Variants in PPP4R3B observed in about 807,000 individuals in gnomAD.
PPP4R3B encodes protein phosphatase 4 regulatory subunit 3B.
A neutral mutation model predicts 95.4 loss-of-function variants in PPP4R3B; 52 were observed. The observed-to-expected ratio is 0.54, with a 90% CI of 0.44 to 0.69. The LOEUF (loss-of-function observed/expected upper bound fraction) is 0.69. Among genes scored for constraint, PPP4R3B ranks in the 30% least tolerant of loss-of-function variants. PPP4R3B has a pLI of 0.00. For synonymous variants in PPP4R3B, 407 were observed against 343.9 expected, an observed-to-expected ratio of 1.18 and a Z score of -2.03; for missense variants, 1,003 against 1,005.9, an observed-to-expected ratio of 1.00 and a Z score of 0.04.
chr2:55,594,823 A>C (rs1049914601), intron 4 of PPP4R3B, among the ~76,000 whole-genome samples: 2 of 152,152 alleles, frequency 1.3e-5, no homozygotes, highest in Admixed American at 1.3e-4. Flanking sequence ...ATGTACATCT[A>C]ACCTCCCCCA....
intron 5 of PPP4R3B, among the ~76,000 whole-genome samples, chr2:55,586,993 CA>C: frequency 6.6e-6 from 1 of 152,186 alleles, no homozygotes; most frequent in Non-Finnish European, 1.5e-5. Context: ...CTGAAAGACA[CA>C]TCATAAGCTG....
chr2:55,605,788 C>A (rs1175932538), intron 2 of PPP4R3B, among the ~76,000 whole-genome samples: 1 of 151,918 alleles, frequency 6.6e-6, no homozygotes, highest in Non-Finnish European at 1.5e-5. Flanking sequence ...TGCCTATAGT[C>A]CCAGCTACTC....
At chr2:55,551,584 C>T (rs530808061) in intron 16 of PPP4R3B, among the ~76,000 whole-genome samples, 144 of 152,100 alleles carry the variant, frequency 9.5e-4, no homozygotes, top group African/African-American at 3.3e-3. Context: ...AACCCCATCT[C>T]TACTAAAAAT....
intron 12 of PPP4R3B, 97 bp from the exon 13 acceptor site, chr2:55,568,460 T>A (rs980608665): frequency 9.4e-6 from 9 of 960,304 alleles, no homozygotes; most frequent in Non-Finnish European, 1.3e-5. Context: ...TATGCTCTTC[T>A]AAAATGAAAA....
intron 12 of PPP4R3B, among the ~76,000 whole-genome samples, chr2:55,572,414 C>G (rs1192016975): frequency 6.6e-6 from 1 of 152,036 alleles, no homozygotes. Flanking sequence ...ATACAAAAAG[C>G]TCTAAGAAAA....
chr2:55,603,858 T>C, intron 3 of PPP4R3B, 120 bp downstream of exon 3: 3 of 560,158 alleles, frequency 5.4e-6, no homozygotes, highest in Non-Finnish European at 3.0e-6. Context: ...TCAAGTTAGA[T>C]TATCAAGTCT....
chr2:55,556,633 AAAAAAAAAAAAAG>A, intron 16 of PPP4R3B, among the ~76,000 whole-genome samples: 1 of 107,680 alleles, frequency 9.3e-6, no homozygotes, highest in African/African-American at 6.3e-5. Flanking sequence ...ACTTTGATTT[AAAAAAAAAAAAAG>A]AAAAAAAAGA....
rs184152594 is a variant in PPP4R3B, at chr2:55,593,310, C to T, written c.922-4354G>A. On this transcript the variant is annotated intron_variant, in intron 4 of 16. Coordinates refer to ENST00000616407, the MANE Select transcript of PPP4R3B (RefSeq NM_001122964.3). ...TTAAGATATTGTCAACATGTATTAG[C>T]ACACATACTAGGAGCCACTGACTAT... Among the ~76,000 whole-genome samples, 262 of 152,292 alleles carry T rather than the reference C, an allele frequency of 1.7e-3. 1 individual carries two copies. The highest frequency in any genetic ancestry group is 5.9e-3 in the African/African-American group (247 of 41,562).
chr2:55,592,615 G>C (rs1251956751), intron 4 of PPP4R3B, among the ~76,000 whole-genome samples: 2 of 152,042 alleles, frequency 1.3e-5, no homozygotes, highest in Admixed American at 1.3e-4. Context: ...CAAAACCTTA[G>C]CATCTGCAAA....
Position 55,598,549 on chromosome 2 carries a change from AT to A in PPP4R3B, c.787del (p.Ile263TyrfsTer40), listed in dbSNP as rs1198364136. 6.2e-7 allele frequency: 1 copy of A among 1,614,080 alleles called. No homozygotes were observed. The highest frequency in any genetic ancestry group is 8.5e-7 in the Non-Finnish European group (1 of 1,180,008). Reference sequence around the variant, plus strand: ...GTACTGTACCCTGTAAGTCTGATGTATTTTTTGCCTTAGTTCAGAGTCTGTT... The same window carrying A: ...GTACTGTACCCTGTAAGTCTGATGTATTTTTGCCTTAGTTCAGAGTCTGTT... ...PITDSELRQK[I>X]HQTYRVQYIQ... On this transcript the variant is annotated frameshift_variant, in exon 4 of 17. Coordinates refer to ENST00000616407, the MANE Select transcript of PPP4R3B (RefSeq NM_001122964.3). LOFTEE classifies it high-confidence loss of function.
intron 4 of PPP4R3B, among the ~76,000 whole-genome samples, chr2:55,594,938 T>G (rs1270858296): frequency 6.6e-6 from 1 of 151,870 alleles, no homozygotes; most frequent in Non-Finnish European, 1.5e-5. Flanking sequence ...AGGTGACTAC[T>G]GGTGGGAAAC....
rs1390249185 is a variant in PPP4R3B, at chr2:55,547,674, CAG to C, written c.*2235_*2236del. 6.6e-6 allele frequency: 1 copy of C among 152,132 alleles called. No homozygotes were observed. The highest frequency in any genetic ancestry group is 1.5e-5 in the Non-Finnish European group (1 of 68,028). 9.4% of individuals were successfully genotyped at this position (152,132 alleles called of 1,614,324 possible). A position where few individuals can be genotyped will look rare whatever the true frequency, so the allele number is the denominator to read the frequency against. On this transcript the variant is annotated 3_prime_UTR_variant, in exon 17 of 17. Coordinates refer to ENST00000616407, the MANE Select transcript of PPP4R3B (RefSeq NM_001122964.3). ...AGAAAAAGGAAGTCTTCATAAGATA[CAG>C]AGATAGGGAGGCTGAGGCGGGTGGA...
intron 16 of PPP4R3B, among the ~76,000 whole-genome samples, chr2:55,550,283 C>T (rs1287739515): frequency 2.6e-5 from 4 of 152,108 alleles, no homozygotes; most frequent in Non-Finnish European, 4.4e-5. Flanking sequence ...AAAATGTCTA[C>T]TTTTCCAAAC....
intron 4 of PPP4R3B, chr2:55,591,506 T>C (rs1462249700): frequency 3.1e-6 from 3 of 981,356 alleles, no homozygotes; most frequent in South Asian, 4.7e-5. Context: ...CATATTTACC[T>C]CCATTCACAC....
intron 2 of PPP4R3B, among the ~76,000 whole-genome samples, chr2:55,607,734 T>C (rs1693617547): frequency 6.6e-6 from 1 of 152,142 alleles, no homozygotes; most frequent in Non-Finnish European, 1.5e-5. Context: ...CCCTCTCCCC[T>C]TCTGGAGGAT....
chr2:55,587,895 T>C (rs1690381682), intron 5 of PPP4R3B, among the ~76,000 whole-genome samples: 1 of 152,218 alleles, frequency 6.6e-6, no homozygotes, highest in Non-Finnish European at 1.5e-5. Flanking sequence ...GGTTTTAAAT[T>C]AGCCATCTTT....
At chr2:55,568,706 C>A (rs1687609011) in intron 12 of PPP4R3B, among the ~76,000 whole-genome samples, 1 of 152,204 alleles carries the variant, frequency 6.6e-6, no homozygotes, top group East Asian at 1.9e-4. Context: ...AATCCATAGA[C>A]TGCAAATGCT....
chr2:55,586,959 A>G (rs1690223606), intron 5 of PPP4R3B, among the ~76,000 whole-genome samples: 1 of 152,246 alleles, frequency 6.6e-6, no homozygotes, highest in Admixed American at 6.5e-5. Context: ...ATCCACCAAT[A>G]CAAGGTAAAT....
intron 5 of PPP4R3B, among the ~76,000 whole-genome samples, chr2:55,588,455 G>A (rs2104336409): frequency 6.6e-6 from 1 of 151,322 alleles, no homozygotes; most frequent in East Asian, 1.9e-4. Context: ...AGAGGTTGTG[G>A]TGAGCCGAGA....
Sources: gnomAD v4.1 joint callset for allele counts (sites outside exome capture counted in the v4.1 genomes callset) on GRCh38, gnomAD v4.1.1 for gene constraint, MANE v1.5 for transcripts, NCBI Gene and HGNC (gene_info 2026-07-23, HGNC 2026-07-21) for gene names.